CACNB4: variants seen among roughly 807,000 people sequenced by gnomAD.
CACNB4 encodes the protein voltage-dependent L-type calcium channel subunit beta-4.
Under a neutral mutation model 71.2 loss-of-function variants are expected in CACNB4, and 32 were observed. That is an observed-to-expected ratio of 0.45 (90% CI 0.34 to 0.60). The LOEUF is 0.60. Among genes scored for constraint, CACNB4 ranks in the 20% least tolerant of loss-of-function variants. CACNB4 has a pLI of 0.01. For missense variants in CACNB4, 464 were observed against 647.9 expected, an observed-to-expected ratio of 0.72 and a Z score of 3.08; for synonymous variants, 231 against 236.9, an observed-to-expected ratio of 0.97 and a Z score of 0.23.
chr2:152,001,401 C>T (rs896249407), intron 2 of CACNB4, among the ~76,000 whole-genome samples: 5 of 151,642 alleles, frequency 3.3e-5, no homozygotes, highest in Admixed American at 2.0e-4. Context: ...AGTTAAAGAA[C>T]GAGTCGGCCA....
intron 2 of CACNB4, among the ~76,000 whole-genome samples, chr2:152,008,218 G>A (rs146756811): frequency 1.7e-3 from 259 of 151,780 alleles, no homozygotes; most frequent in African/African-American, 6.1e-3. Context: ...TCACAGTGGT[G>A]TGAACTGTCT....
chr2:151,869,011 T>C (rs1239113969), intron 9 of CACNB4, 166 bp downstream of exon 9: 6 of 554,868 alleles, frequency 1.1e-5, no homozygotes, highest in Non-Finnish European at 1.9e-5. Flanking sequence ...CTCAATGTTA[T>C]ACTTCATATT....
At chr2:151,959,664 C>T (rs766735252) in intron 2 of CACNB4, among the ~76,000 whole-genome samples, 5 of 152,052 alleles carry the variant, frequency 3.3e-5, no homozygotes, top group East Asian at 1.9e-4. Flanking sequence ...TATTTGTATC[C>T]GACTCTTTTT....
At chr2:151,974,400 CAGAT>C (rs2099873397) in intron 2 of CACNB4, among the ~76,000 whole-genome samples, 1 of 152,072 alleles carries the variant, frequency 6.6e-6, no homozygotes, top group Non-Finnish European at 1.5e-5. Flanking sequence ...CTAGAATAAA[CAGAT>C]GGTAAGATTT....
intron 2 of CACNB4, among the ~76,000 whole-genome samples, chr2:151,891,959 G>T (rs1276503237): frequency 6.6e-6 from 1 of 152,094 alleles, no homozygotes; most frequent in Admixed American, 6.5e-5. Flanking sequence ...GGTGGCTCCC[G>T]CTGGCTGATC....
chr2:151,920,877 G>A (rs924782438), intron 2 of CACNB4, among the ~76,000 whole-genome samples: 8 of 152,158 alleles, frequency 5.3e-5, no homozygotes, highest in Admixed American at 2.0e-4. Context: ...GGTGACTCAC[G>A]CCTGTAATCC....
rs916845903 is a variant in CACNB4, at chr2:152,023,082, C to T, written c.147+75248G>A. ...GTAGAAGGGGAAGAGGCATGTCTTA[C>T]ATGGTGACAGGTGCAGGGGGTCCAT... On this transcript the variant is annotated intron_variant, in intron 2 of 13. Coordinates refer to ENST00000539935, the MANE Select transcript of CACNB4 (RefSeq NM_000726.5). Among the ~76,000 whole-genome samples, 4 of 150,120 alleles carry T rather than the reference C, an allele frequency of 2.7e-5. No individual in the cohort carries two copies. The East Asian group carries it at 7.9e-4, about 30-fold the overall frequency.
At chr2:152,081,674 T>C (rs1687364958) in intron 2 of CACNB4, among the ~76,000 whole-genome samples, 1 of 152,086 alleles carries the variant, frequency 6.6e-6, no homozygotes. Context: ...CAAAATCTCA[T>C]CTAAACCTAA....
intron 2 of CACNB4, among the ~76,000 whole-genome samples, chr2:151,956,452 T>A (rs2099868283): frequency 6.6e-6 from 1 of 152,224 alleles, no homozygotes; most frequent in Non-Finnish European, 1.5e-5. Flanking sequence ...AGGCTGTCTA[T>A]TGTGTGGTTC....
intron 2 of CACNB4, among the ~76,000 whole-genome samples, chr2:152,013,825 T>C (rs1008739771): frequency 6.6e-6 from 1 of 152,220 alleles, no homozygotes; most frequent in African/African-American, 2.4e-5. Context: ...CGGAAGAATG[T>C]AATCTTCCCA....
At chr2:151,874,499 A>G (rs572826728) in intron 5 of CACNB4, among the ~76,000 whole-genome samples, 4 of 151,946 alleles carry the variant, frequency 2.6e-5, no homozygotes, top group Non-Finnish European at 4.4e-5. Flanking sequence ...ATGAGAACAG[A>G]CTAATACAAG....
At chr2:151,917,138 G>T (rs1252351014) in intron 2 of CACNB4, among the ~76,000 whole-genome samples, 2 of 152,188 alleles carry the variant, frequency 1.3e-5, no homozygotes, top group African/African-American at 4.8e-5. Flanking sequence ...AGGCAGCTAG[G>T]ATGTGGGGGT....
At chr2:151,925,754 G>C (rs2099860076) in intron 2 of CACNB4, among the ~76,000 whole-genome samples, 1 of 152,140 alleles carries the variant, frequency 6.6e-6, no homozygotes, top group Admixed American at 6.5e-5. Flanking sequence ...TTAGAGGCTG[G>C]TGTAGGGGGC....
intron 2 of CACNB4, among the ~76,000 whole-genome samples, chr2:151,948,241 G>A (rs1374143275): frequency 6.6e-6 from 1 of 152,178 alleles, no homozygotes; most frequent in Non-Finnish European, 1.5e-5. Flanking sequence ...CAATCAAAAG[G>A]CAGTGAGTGG....
chr2:151,981,350 TGC>T (rs1178557370), intron 2 of CACNB4, among the ~76,000 whole-genome samples: 2 of 122,228 alleles, frequency 1.6e-5, no homozygotes, highest in African/African-American at 6.0e-5. Context: ...TCATAATGCA[TGC>T]AGCCTAGTCT....
intron 2 of CACNB4, among the ~76,000 whole-genome samples, chr2:151,887,008 A>G (rs150766335): frequency 1.6e-3 from 248 of 152,322 alleles, no homozygotes; most frequent in African/African-American, 5.7e-3. Context: ...GTGGCCATGC[A>G]AGGCTTAGTA....
At chr2:152,079,961 T>A (rs542310668) in intron 2 of CACNB4, among the ~76,000 whole-genome samples, 6 of 152,258 alleles carry the variant, frequency 3.9e-5, no homozygotes, top group African/African-American at 1.4e-4. Context: ...ACAGCCAAGG[T>A]TGAGAATCAC....
In CACNB4 at chr2:151,882,880, C is replaced by T. The variant is rs1362037752; in HGVS notation, c.267+371G>A. 6 of 304,782 alleles carry T rather than the reference C, an allele frequency of 2.0e-5. No homozygotes were observed. In the East Asian group the frequency reaches 4.1e-4, roughly 21 times the overall value. The allele number at this position is 304,782 out of a possible 1,614,324, so 18.9% of individuals were successfully genotyped here. ...ACAAACAGGGCGATCCACAGAACAA[C>T]AGCACACGTGTGGCCTGTAATAAAG... On this transcript the variant is annotated intron_variant, in intron 3 of 13. Coordinates refer to ENST00000539935, the MANE Select transcript of CACNB4 (RefSeq NM_000726.5).
In CACNB4 at chr2:151,833,638, C is replaced by G. The variant is rs2099834271; in HGVS notation, c.*5481G>C. On this transcript the variant is annotated 3_prime_UTR_variant, in exon 14 of 14. Transcript: ENST00000539935. ...ATGAAATAAATTGCTGGAAAAGTAT[C>G]AAGCAGCAAGTTAAAAAGATGGTAG... 6.6e-6 allele frequency: 1 copy of G among 152,014 alleles called. No homozygotes were observed. The highest frequency in any genetic ancestry group is 6.5e-5 in the Admixed American group (1 of 15,268). 9.4% of individuals were successfully genotyped at this position (152,014 alleles called of 1,614,324 possible). A position where few individuals can be genotyped will look rare whatever the true frequency, so the allele number is the denominator to read the frequency against.
Sources: gnomAD v4.1 joint callset for allele counts (sites outside exome capture counted in the v4.1 genomes callset) on GRCh38, gnomAD v4.1.1 for gene constraint, MANE v1.5 for transcripts, NCBI Gene and HGNC (gene_info 2026-07-23, HGNC 2026-07-21) for gene names.